MBTPS2: variants seen among roughly 807,000 people sequenced by gnomAD.
MBTPS2 encodes membrane-bound transcription factor site-2 protease.
Under a neutral mutation model 35.4 loss-of-function variants are expected in MBTPS2, and 2 were observed. The ratio of observed to expected loss-of-function variants is 0.06; its 90% CI spans 0.02 to 0.18. The LOEUF (loss-of-function observed/expected upper bound fraction) is 0.18, where lower values mean the gene tolerates loss of function less well. Ranked by LOEUF, MBTPS2 falls within the 10% of genes least tolerant of loss-of-function variation. The probability of loss-of-function intolerance (pLI) is 1.00; values close to 1 mark genes in which losing one functional copy is unlikely to be tolerated. For missense variants in MBTPS2, 244 were observed against 386.5 expected, an observed-to-expected ratio of 0.63 and a Z score of 3.09; for synonymous variants, 125 against 140.4, an observed-to-expected ratio of 0.89 and a Z score of 0.77.
At chrX:21,845,483 ATAAAT>A in intron 3 of MBTPS2, 99 bp downstream of exon 3, 3 of 824,554 alleles carry the variant, frequency 3.6e-6, no homozygotes, top group Non-Finnish European at 5.0e-6. Flanking sequence ...AAATATGAAA[ATAAAT>A]TAAAAGTCTC....
At chrX:21,849,683 T>A (rs1238399450) in intron 3 of MBTPS2, among the ~76,000 whole-genome samples, 1 of 109,073 alleles carries the variant, frequency 9.2e-6, no homozygotes, top group Non-Finnish European at 1.9e-5. Context: ...AATAGGAATG[T>A]TGGAGGAATA....
At chrX:21,863,733 A>G (rs1444067432) in intron 5 of MBTPS2, among the ~76,000 whole-genome samples, 1 of 111,744 alleles carries the variant, frequency 8.9e-6, no homozygotes, top group Admixed American at 9.6e-5. Context: ...AGCTTATTAA[A>G]TGGTATAGAA....
chrX:21,857,491 C>T (rs371944531), intron 5 of MBTPS2: 7 of 1,212,113 alleles, frequency 5.8e-6, no homozygotes, highest in Non-Finnish European at 7.8e-6. Context: ...CGCATCCACA[C>T]CGGCGATAAG....
chrX:21,861,581 T>G (rs1192930028), intron 5 of MBTPS2, among the ~76,000 whole-genome samples: 2 of 110,724 alleles, frequency 1.8e-5, no homozygotes, highest in African/African-American at 6.6e-5. Flanking sequence ...GGCTCACACC[T>G]GTAATCCCAA....
chrX:21,843,729 AAAG>A (rs1449898068), intron 2 of MBTPS2, among the ~76,000 whole-genome samples: 3 of 112,179 alleles, frequency 2.7e-5, no homozygotes, highest in African/African-American at 9.7e-5. Flanking sequence ...TACAAAGTGG[AAAG>A]AAGGATATAA....
chrX:21,839,728 T>G lies in MBTPS2; in HGVS notation c.-7T>G. The G allele has an allele frequency of 1.7e-6, 2 of 1,180,493 alleles. No individual in the cohort carries two copies. The highest frequency in any genetic ancestry group is 2.3e-6 in the Non-Finnish European group (2 of 879,287). ...CTCGCCTTCCCTCCTCTGCCGCCGCTGCCGCCATGATTCCGGTGTCGCTGG... is the reference window on the plus strand; with the variant it reads ...CTCGCCTTCCCTCCTCTGCCGCCGCGGCCGCCATGATTCCGGTGTCGCTGG... On this transcript the variant is annotated 5_prime_UTR_variant, in exon 1 of 11. Coordinates refer to ENST00000379484, the MANE Select transcript of MBTPS2 (RefSeq NM_015884.4).
intron 5 of MBTPS2, among the ~76,000 whole-genome samples, chrX:21,865,408 T>A (rs1252064846): frequency 8.9e-6 from 1 of 111,791 alleles, no homozygotes; most frequent in Admixed American, 9.5e-5. Flanking sequence ...GAAGAGTAGA[T>A]TGCTTTAAAA....
In MBTPS2 at chrX:21,839,630, T is replaced by C. The variant is rs2092900359; in HGVS notation, c.-105T>C. On this transcript the variant is annotated 5_prime_UTR_variant, in exon 1 of 11. Coordinates refer to ENST00000379484, the MANE Select transcript of MBTPS2 (RefSeq NM_015884.4). ...AAGGAAGGAGCCGGCGGTAGCTTGGTTCCTGAGCGGATGCTGGGGCTGTAA... is the reference window on the plus strand; with the variant it reads ...AAGGAAGGAGCCGGCGGTAGCTTGGCTCCTGAGCGGATGCTGGGGCTGTAA... The C allele has an allele frequency of 1.1e-5, 9 of 852,769 alleles. No individual in the cohort carries two copies. The highest frequency in any genetic ancestry group is 1.5e-5 in the Non-Finnish European group (9 of 587,374). 70.3% of individuals were successfully genotyped at this position (852,769 alleles called of 1,213,427 possible). A position where few individuals can be genotyped will look rare whatever the true frequency, so the allele number is the denominator to read the frequency against.
intron 5 of MBTPS2, among the ~76,000 whole-genome samples, chrX:21,862,957 TATATATATATAA>T (rs1414172185): frequency 1.8e-5 from 1 of 56,725 alleles, no homozygotes; most frequent in African/African-American, 6.8e-5. Context: ...TATATATATA[TATATATATATAA>T]AACCGACTGG....
chrX:21,883,279 A>G lies in MBTPS2; in HGVS notation c.*624A>G. The G allele has an allele frequency of 2.6e-6, 2 of 757,221 alleles. No individual in the cohort carries two copies. Among genetic ancestry groups the G allele is most frequent in the Non-Finnish European group, 3.1e-6 (2 of 640,937 alleles). The allele number at this position is 757,221 out of a possible 1,213,427, so 62.4% of individuals were successfully genotyped here. ...ATGAACAAAACAGGAAGTAGGGCCTATGATATCGTGAGACATGTTTTGCCC... is the reference window on the plus strand; with the variant it reads ...ATGAACAAAACAGGAAGTAGGGCCTGTGATATCGTGAGACATGTTTTGCCC... On this transcript the variant is annotated 3_prime_UTR_variant, in exon 11 of 11. Coordinates refer to ENST00000379484, the MANE Select transcript of MBTPS2 (RefSeq NM_015884.4).
chrX:21,878,351 A>G lies in MBTPS2; in HGVS notation c.1066-146A>G, dbSNP rs1045464891. On this transcript the variant is annotated intron_variant, in intron 8 of 10. Coordinates refer to ENST00000379484, the MANE Select transcript of MBTPS2 (RefSeq NM_015884.4). ...TGACCCAAATGGGGTACTTGAATCT[A>G]TTTTATAGTAGATGCACATAAATGG... is the stretch of plus-strand genomic sequence containing the variant. 87 of 527,338 alleles carry G rather than the reference A, an allele frequency of 1.6e-4. No homozygotes were observed. The African/African-American group carries it at 1.9e-3, about 12-fold the overall frequency. The allele number at this position is 527,338 out of a possible 1,213,427, so 43.5% of individuals were successfully genotyped here. A position where few individuals can be genotyped will look rare whatever the true frequency, so the allele number is the denominator to read the frequency against.
At chrX:21,861,102 A>C (rs2092930883) in intron 5 of MBTPS2, among the ~76,000 whole-genome samples, 1 of 112,287 alleles carries the variant, frequency 8.9e-6, no homozygotes, top group Admixed American at 9.5e-5. Context: ...AAGACAACTC[A>C]ATCAAAAAAT....
chrX:21,883,293 C>T lies in MBTPS2; in HGVS notation c.*638C>T, dbSNP rs759531954. 2.6e-4 allele frequency: 193 copies of T among 754,587 alleles called. No homozygotes were observed. The highest frequency in any genetic ancestry group is 2.9e-4 in the Non-Finnish European group (188 of 640,312). The allele number at this position is 754,587 out of a possible 1,213,427, so 62.2% of individuals were successfully genotyped here. ...AAGTAGGGCCTATGATATCGTGAGA[C>T]ATGTTTTGCCCCACAAGAGTTGCAT... On this transcript the variant is annotated 3_prime_UTR_variant, in exon 11 of 11. Coordinates refer to ENST00000379484, the MANE Select transcript of MBTPS2 (RefSeq NM_015884.4).
intron 7 of MBTPS2, 41 bp downstream of exon 7, chrX:21,869,719 C>A (rs756280307): frequency 5.1e-6 from 5 of 977,280 alleles, no homozygotes; most frequent in Non-Finnish European, 5.9e-6. Flanking sequence ...CTTCAAGCAC[C>A]AGTACCTGCC....
At chrX:21,860,782 T>C (rs1464481705) in intron 5 of MBTPS2, among the ~76,000 whole-genome samples, 1 of 112,398 alleles carries the variant, frequency 8.9e-6, no homozygotes, top group Non-Finnish European at 1.9e-5. Context: ...TATCCTAAAT[T>C]AGTTTCCCCA....
chrX:21,844,349 C>CA (rs2147428751), intron 2 of MBTPS2, among the ~76,000 whole-genome samples: 1 of 109,726 alleles, frequency 9.1e-6, no homozygotes, highest in African/African-American at 3.3e-5. Flanking sequence ...CCCATCTCTA[C>CA]AAAAAATATA....
At chrX:21,857,221 C>A (rs1432491219) in intron 5 of MBTPS2, 4 of 1,211,809 alleles carry the variant, frequency 3.3e-6, no homozygotes, top group Non-Finnish European at 4.5e-6. Context: ...CCCAAAAGGT[C>A]CAAAGGAGAA....
chrX:21,851,755 T>C (rs968264722), intron 4 of MBTPS2, 143 bp downstream of exon 4: 6 of 482,922 alleles, frequency 1.2e-5, no homozygotes, highest in African/African-American at 9.6e-5. Context: ...CATCATTTGT[T>C]ACTTTGAGGA....
intron 7 of MBTPS2, among the ~76,000 whole-genome samples, chrX:21,873,997 GTGTGTA>G (rs71836022): frequency 0.16 from 11,431 of 72,324 alleles, 849 homozygotes; most frequent in East Asian, 0.34. Context: ...GTGTGTGTGT[GTGTGTA>G]TATATATATA....
Sources: gnomAD v4.1 joint callset for allele counts (sites outside exome capture counted in the v4.1 genomes callset) on GRCh38, gnomAD v4.1.1 for gene constraint, MANE v1.5 for transcripts, NCBI Gene and HGNC (gene_info 2026-07-23, HGNC 2026-07-21) for gene names.